FLRT1: variants seen among roughly 807,000 people sequenced by gnomAD.
FLRT1 encodes the protein leucine-rich repeat transmembrane protein FLRT1.
FLRT1 carries 14 observed loss-of-function variants against 30.9 expected under a neutral mutation model. The ratio of observed to expected loss-of-function variants is 0.45; its 90% CI spans 0.30 to 0.71. The LOEUF is 0.71. Ranked by LOEUF, FLRT1 falls within the 30% of genes least tolerant of loss-of-function variation. The probability of loss-of-function intolerance (pLI) is 0.08; values close to 1 mark genes in which losing one functional copy is unlikely to be tolerated. For missense variants in FLRT1, 737 were observed against 949.2 expected (o/e 0.78, Z 2.94); for synonymous variants, 368 against 430.4 (o/e 0.85, Z 1.80).
intron 1 of FLRT1, among the ~76,000 whole-genome samples, chr11:64,049,003 G>A (rs549685425): frequency 6.6e-6 from 1 of 152,354 alleles, no homozygotes; most frequent in African/African-American, 2.4e-5. Context: ...GAGACAGACT[G>A]GGGTGCCGGC....
intron 1 of FLRT1, among the ~76,000 whole-genome samples, chr11:64,045,904 T>C (rs1029306800): frequency 2.6e-5 from 4 of 152,124 alleles, no homozygotes; most frequent in African/African-American, 9.7e-5. Flanking sequence ...CTGGGCAACA[T>C]AGCGAGACCC....
chr11:64,113,435 T>C (rs955788685), intron 2 of FLRT1, among the ~76,000 whole-genome samples: 3 of 149,556 alleles, frequency 2.0e-5, no homozygotes, highest in African/African-American at 4.9e-5. Context: ...GATGGATGGA[T>C]GGATGGATGG....
Position 64,090,504 on chromosome 11 carries a change from T to G in FLRT1, c.-1037-12690T>G, listed in dbSNP as rs374837518. On this transcript the variant is annotated intron_variant, in intron 1 of 2. Coordinates refer to ENST00000682287, the MANE Select transcript of FLRT1 (RefSeq NM_013280.5). This position sits in a 1 kb window ranked among gnomAD's most constrained non-coding sequence, Gnocchi z 4.7. Reference sequence around the variant, plus strand: ...AGGAGGAGGAGGCCAAATAACCACATTTGCTTCCCCGGGCCCTCCCTCGAC... The same window carrying G: ...AGGAGGAGGAGGCCAAATAACCACAGTTGCTTCCCCGGGCCCTCCCTCGAC... 3.5e-3 allele frequency among the ~76,000 whole-genome samples: 526 copies of G among 151,910 alleles called. 3 individuals carry two copies. The highest frequency in any genetic ancestry group is 0.012 in the African/African-American group (501 of 41,446).
intron 1 of FLRT1, among the ~76,000 whole-genome samples, chr11:64,094,859 T>C (rs1944549717): frequency 6.6e-6 from 1 of 152,128 alleles, no homozygotes. Flanking sequence ...CACATCCAGG[T>C]TGGGGGGCCC....
chr11:64,048,318 C>T (rs1943624732), intron 1 of FLRT1, among the ~76,000 whole-genome samples: 1 of 152,252 alleles, frequency 6.6e-6, no homozygotes, highest in African/African-American at 2.4e-5. Context: ...AGAGCCCAGC[C>T]TTTGTGCCAG....
rs1205594503 is a variant in FLRT1, at chr11:64,047,445, AC to A, written c.-1038+11291del. Among the ~76,000 whole-genome samples the A allele has an allele frequency of 4.6e-5, 7 of 151,718 alleles. No homozygotes were observed. The East Asian group carries it at 1.4e-3, about 29-fold the overall frequency. Reference sequence around the variant, plus strand: ...TGGGGTCCCTGTCCTGTTCCGTTTCACCCCCAGCAGCCGTAAAGCAGGTGGA... The same window carrying A: ...TGGGGTCCCTGTCCTGTTCCGTTTCACCCCAGCAGCCGTAAAGCAGGTGGA... On this transcript the variant is annotated intron_variant, in intron 1 of 2. Transcript: ENST00000682287.
At chr11:64,060,940 G>A (rs1487580747) in intron 1 of FLRT1, among the ~76,000 whole-genome samples, 3 of 151,024 alleles carry the variant, frequency 2.0e-5, no homozygotes, top group Admixed American at 6.6e-5. Flanking sequence ...TGCGCACCGC[G>A]GCGGCGGCGG....
intron 2 of FLRT1, among the ~76,000 whole-genome samples, chr11:64,105,825 G>A (rs890786437): frequency 1.3e-5 from 2 of 152,114 alleles, no homozygotes; most frequent in Non-Finnish European, 2.9e-5. Flanking sequence ...CCACAGCTGC[G>A]GGAGGGCTCT....
chr11:64,117,043 C>A lies in FLRT1; in HGVS notation c.776C>A (p.Ser259Ter), dbSNP rs776773158. The stretch of plus-strand genomic sequence containing the variant: ...ACAGAGCTCTCGCTGGTGCGCAATT[C>A]GCTGGCCGCGCCACCCCTCAACCTG... ...NLTELSLVRN[S>*]LAAPPLNLPS... Residue 259 changes from serine (S) to a stop codon, truncating the protein, a stop_gained, in exon 3 of 3, where the codon TCG becomes TAG. Transcript: ENST00000682287. LOFTEE classifies it high-confidence loss of function. 6.2e-7 allele frequency: 1 copy of A among 1,606,674 alleles called. No individual in the cohort carries two copies. Among genetic ancestry groups the A allele is most frequent in the South Asian group, 1.1e-5 (1 of 90,124 alleles).
At chr11:64,049,330 A>G (rs1943646359) in intron 1 of FLRT1, among the ~76,000 whole-genome samples, 1 of 152,206 alleles carries the variant, frequency 6.6e-6, no homozygotes, top group Admixed American at 6.5e-5. Context: ...ACAGGGTCCT[A>G]CCGATGCCCA....
Position 64,110,357 on chromosome 11 carries a change from G to T in FLRT1, c.-49-5862G>T, listed in dbSNP as rs565659531. 3.3e-5 allele frequency among the ~76,000 whole-genome samples: 5 copies of T among 152,098 alleles called. No individual in the cohort carries two copies. In the South Asian group the frequency reaches 8.3e-4, roughly 25 times the overall value. ...CCAGCTCTGCAGGAGGCTGAGGTGG[G>T]AGGATCACCTGAGCATGGGGAGGTC... On this transcript the variant is annotated intron_variant, in intron 2 of 2. Transcript: ENST00000682287.
At chr11:64,038,144 C>T (rs974038853) in intron 1 of FLRT1, among the ~76,000 whole-genome samples, 5 of 152,164 alleles carry the variant, frequency 3.3e-5, no homozygotes, top group East Asian at 3.8e-4. Context: ...CTGGGAGGTC[C>T]GCCCAGCTGT....
At chr11:64,075,702 C>T (rs1280879725) in intron 1 of FLRT1, among the ~76,000 whole-genome samples, 7 of 152,180 alleles carry the variant, frequency 4.6e-5, no homozygotes, top group East Asian at 3.9e-4. Flanking sequence ...GATGGAGTTG[C>T]GCTCTTCTTG....
rs989543085 is a variant in FLRT1, at chr11:64,067,952, A to T, written c.-1038+31793A>T. ...AACCCATCCCCGTTACAATGCACTC[A>T]GGGACCCTGACAACTAATTTAATTT... On this transcript the variant is annotated intron_variant, in intron 1 of 2. Coordinates refer to ENST00000682287, the MANE Select transcript of FLRT1 (RefSeq NM_013280.5). The surrounding 1 kb of genome is among the most constrained non-coding windows in gnomAD (Gnocchi z 4.6). Among the ~76,000 whole-genome samples, 10 of 152,162 alleles carry T rather than the reference A, an allele frequency of 6.6e-5. No homozygotes were observed. The highest frequency in any genetic ancestry group is 1.5e-4 in the Non-Finnish European group (10 of 68,022).
At chr11:64,061,345 G>C (rs1404208472) in intron 1 of FLRT1, among the ~76,000 whole-genome samples, 1 of 152,140 alleles carries the variant, frequency 6.6e-6, no homozygotes, top group African/African-American at 2.4e-5. Flanking sequence ...CCCCCAGCCC[G>C]CAGCCTGGAG....
intron 1 of FLRT1, among the ~76,000 whole-genome samples, chr11:64,074,900 C>T (rs916224921): frequency 6.6e-6 from 1 of 152,204 alleles, no homozygotes; most frequent in African/African-American, 2.4e-5. Context: ...CTGGGAGCCT[C>T]CTGCAGGGTC....
Position 64,118,273 on chromosome 11 carries a change from T to A in FLRT1, c.2006T>A (p.Ile669Lys). 1 of 1,587,122 alleles carries A rather than the reference T, an allele frequency of 6.3e-7. No homozygotes were observed. The highest frequency in any genetic ancestry group is 1.3e-5 in the African/African-American group (1 of 74,762). Reference protein sequence around the residue: ...RGYRDGGIPDIDYSYT With the variant: ...RGYRDGGIPDKDYSYT ...TACCGGGACGGCGGCATCCCCGACA[T>A]AGACTACTCCTACACATGATGCCCG... Residue 669 changes from isoleucine (I) to lysine (K), a missense_variant, in exon 3 of 3, where the codon ATA becomes AAA. Physicochemically the swap from Ile to Lys is moderately radical, Grantham distance 102. Transcript: ENST00000682287.
At chr11:64,108,948 G>A (rs983094458) in intron 2 of FLRT1, among the ~76,000 whole-genome samples, 2 of 152,184 alleles carry the variant, frequency 1.3e-5, no homozygotes, top group African/African-American at 4.8e-5. Flanking sequence ...GCAGGCAGGT[G>A]GGCAGGAAGG....
intron 1 of FLRT1, among the ~76,000 whole-genome samples, chr11:64,077,971 C>T (rs1232123552): frequency 6.7e-6 from 1 of 150,160 alleles, no homozygotes; most frequent in Admixed American, 6.6e-5. Flanking sequence ...GCCTGGCCTC[C>T]TTTCCCCTGC....
Sources: allele counts gnomAD v4.1 joint callset (sites outside exome capture counted in the v4.1 genomes callset), GRCh38; gene constraint gnomAD v4.1.1; non-coding constraint Gnocchi (gnomAD v3.1); transcripts MANE v1.5; gene names NCBI Gene and HGNC (gene_info 2026-07-23, HGNC 2026-07-21).